The following C13orf46 variants were observed in gnomAD, a reference collection of about 807,000 sequenced individuals.
The protein encoded by C13orf46 is chromosome 13 open reading frame 46.
At chr13:113,945,612 GAAA>G in the C13orf46 span, among the ~76,000 whole-genome samples, 1 of 87,822 alleles carries the variant, frequency 1.1e-5, no homozygotes, top group African/African-American at 4.1e-5. Context: ...AAAGAAGAAA[GAAA>G]GAAAGAAAGA....
At chr13:113,961,776 CTCTGTGTGA>C (rs1237318200) in intron 6 of C13orf46, among the ~76,000 whole-genome samples, 7 of 151,704 alleles carry the variant, frequency 4.6e-5, no homozygotes, top group Non-Finnish European at 8.8e-5. Context: ...GCTCTGTGTG[CTCTGTGTGA>C]TCTGTGGCTA....
the C13orf46 span, among the ~76,000 whole-genome samples, chr13:113,945,606 A>AAAGAGAGAGAGAGAGAGAGAG: frequency 3.0e-5 from 1 of 33,578 alleles, no homozygotes; most frequent in African/African-American, 1.2e-4. Flanking sequence ...AGAAAGAAAG[A>AAAGAGAGAGAGAGAGAGAGAG]AGAAAGAAAG....
downstream of C13orf46, among the ~76,000 whole-genome samples, chr13:113,950,895 G>A (rs2052486084): frequency 6.6e-6 from 1 of 152,240 alleles, no homozygotes. Context: ...TCTCCCGGCA[G>A]AGCCACCCTT....
chr13:113,927,920 G>C, the C13orf46 span: 1 of 293,018 alleles, frequency 3.4e-6, no homozygotes, highest in Non-Finnish European at 6.3e-6. Flanking sequence ...GGCGACGTGA[G>C]GGGTGCAGTC....
intron 1 of C13orf46, among the ~76,000 whole-genome samples, chr13:113,970,602 G>A (rs1199535439): frequency 6.6e-6 from 1 of 152,108 alleles, no homozygotes; most frequent in Non-Finnish European, 1.5e-5. Flanking sequence ...CGGGAGGGTG[G>A]GAGAAGCCCA....
At chr13:113,967,665 C>T (rs1321964373) in intron 4 of C13orf46, among the ~76,000 whole-genome samples, 2 of 152,138 alleles carry the variant, frequency 1.3e-5, no homozygotes, top group Non-Finnish European at 2.9e-5. Context: ...CCCATCAGGG[C>T]CCTGAGACCC....
intron 6 of C13orf46, among the ~76,000 whole-genome samples, chr13:113,957,204 A>AC (rs1594242819): frequency 1.9e-5 from 2 of 105,436 alleles, no homozygotes; most frequent in African/African-American, 7.6e-5. Context: ...TCTCCCCTGC[A>AC]CTCTGCCTGC....
At chr13:113,953,369 C>A (rs2052497124), downstream of C13orf46, among the ~76,000 whole-genome samples, 1 of 152,118 alleles carries the variant, frequency 6.6e-6, no homozygotes. Flanking sequence ...TGGAACTTTA[C>A]CCCCCGTGGC....
At chr13:113,941,988 T>C in the C13orf46 span, among the ~76,000 whole-genome samples, 2 of 152,226 alleles carry the variant, frequency 1.3e-5, no homozygotes, top group South Asian at 2.1e-4. Context: ...GCTGAAGTCC[T>C]GTGGAGCCCA....
At chr13:113,935,754 C>T in the C13orf46 span, among the ~76,000 whole-genome samples, 1 of 152,194 alleles carries the variant, frequency 6.6e-6, no homozygotes, top group Non-Finnish European at 1.5e-5. Context: ...TTACACTGAA[C>T]TTTTCTCTGC....
At chr13:113,945,636 GA>G in the C13orf46 span, among the ~76,000 whole-genome samples, 26 of 135,066 alleles carry the variant, frequency 1.9e-4, no homozygotes, top group Admixed American at 1.5e-3. Flanking sequence ...AAGAAAGAAA[GA>G]AAGAAAGAAA....
At chr13:113,943,009 G>A in the C13orf46 span, among the ~76,000 whole-genome samples, 3 of 152,224 alleles carry the variant, frequency 2.0e-5, no homozygotes, top group Non-Finnish European at 2.9e-5. Flanking sequence ...CTCAGGGAGC[G>A]CTGGCCCCTC....
chr13:113,960,875 T>C (rs1270940810), intron 6 of C13orf46, among the ~76,000 whole-genome samples: 2 of 152,286 alleles, frequency 1.3e-5, no homozygotes, highest in African/African-American at 4.8e-5. Context: ...CAGGTTTTTC[T>C]GTACCTTTTG....
At chr13:113,942,603 G>A in the C13orf46 span, among the ~76,000 whole-genome samples, 1 of 152,282 alleles carries the variant, frequency 6.6e-6, no homozygotes, top group East Asian at 1.9e-4. Flanking sequence ...CTGAGAACAC[G>A]AGACAGCAAA....
At chr13:113,958,584 G>A (rs1027220957) in intron 6 of C13orf46, among the ~76,000 whole-genome samples, 4 of 152,148 alleles carry the variant, frequency 2.6e-5, no homozygotes, top group Non-Finnish European at 4.4e-5. Flanking sequence ...TTCTGCATGC[G>A]CCCAGCCCCC....
chr13:113,927,622 T>C, the C13orf46 span: 1 of 398,578 alleles, frequency 2.5e-6, no homozygotes, highest in South Asian at 1.3e-4. Flanking sequence ...CTTGCTGGCC[T>C]GATGCATGGC....
the C13orf46 span, among the ~76,000 whole-genome samples, chr13:113,937,288 G>A: frequency 1.5e-4 from 23 of 152,218 alleles, no homozygotes; most frequent in East Asian, 3.8e-4. Context: ...TGCAGTGACC[G>A]TGGTCACGCC....
the C13orf46 span, among the ~76,000 whole-genome samples, chr13:113,942,552 T>G: frequency 6.6e-6 from 1 of 152,014 alleles, no homozygotes; most frequent in Non-Finnish European, 1.5e-5. Flanking sequence ...CAGCCTTACC[T>G]CCACAGGATG....
Position 113,963,919 on chromosome 13 carries a change from C to T in C13orf46, c.572+1008G>A, listed in dbSNP as rs952655521. ...AGGCTGGAGTGCAGTGGTGCTATCT[C>T]GGTTCACCGCAACCTCCGCCTCCTG... On this transcript the variant is annotated intron_variant, in intron 6 of 6. Transcript: ENST00000636427. Among the ~76,000 whole-genome samples, 663 of 152,296 alleles carry T rather than the reference C, an allele frequency of 4.4e-3. 10 individuals are homozygous for T. The East Asian group carries it at 0.061, about 14-fold the overall frequency.
Sources: gnomAD v4.1 joint callset for allele counts (sites outside exome capture counted in the v4.1 genomes callset) on GRCh38, gnomAD v4.1.1 for gene constraint, MANE v1.5 for transcripts, NCBI Gene and HGNC (gene_info 2026-07-23, HGNC 2026-07-21) for gene names.